The following SPESP1 variants were observed in gnomAD, a reference collection of about 807,000 sequenced individuals.
The protein encoded by SPESP1 is sperm equatorial segment protein 1.
In SPESP1, 1 loss-of-function variant was observed where a neutral mutation model predicts 3.1. The ratio of observed to expected loss-of-function variants is 0.33; its 90% confidence interval spans 0.12 to 1.54. The LOEUF (loss-of-function observed/expected upper bound fraction) is 1.54. SPESP1 is among the 40% of genes most tolerant of loss of function. The probability of loss-of-function intolerance (pLI) is 0.38; values close to 1 mark genes in which losing one functional copy is unlikely to be tolerated. For missense variants in SPESP1, 398 were observed against 410.1 expected (o/e 0.97, Z 0.26); for synonymous variants, 138 against 150.7 (o/e 0.92, Z 0.62).
Position 68,930,538 on chromosome 15 carries a change from C to G in SPESP1, c.-116C>G, listed in dbSNP as rs1895500187. The G allele has an allele frequency of 7.0e-7, 1 of 1,430,742 alleles. No homozygotes were observed. Among genetic ancestry groups the G allele is most frequent in the Non-Finnish European group, 9.7e-7 (1 of 1,031,684 alleles). The allele number at this position is 1,430,742 out of a possible 1,614,324, so 88.6% of individuals were successfully genotyped here. A position where few individuals can be genotyped will look rare whatever the true frequency, so the allele number is the denominator to read the frequency against. On this transcript the variant is annotated 5_prime_UTR_variant, in exon 1 of 2. Transcript: ENST00000310673. ...CTGGGGACAACCGTTGCTGGGTGTC[C>G]CAGGGCCTGAGGCAGGACGGTACTC...
intron 1 of SPESP1, among the ~76,000 whole-genome samples, chr15:68,933,079 C>T (rs1006853955): frequency 9.2e-5 from 14 of 152,188 alleles, no homozygotes; most frequent in South Asian, 8.3e-4. Context: ...CAATTGTTGG[C>T]GAGATGCAAA....
At chr15:68,938,171 A>C (rs1307763400) in intron 1 of SPESP1, among the ~76,000 whole-genome samples, 1 of 151,954 alleles carries the variant, frequency 6.6e-6, no homozygotes, top group Non-Finnish European at 1.5e-5. Flanking sequence ...AGTAGAGATG[A>C]GATTTCACCA....
At chr15:68,936,975 T>TA (rs1428925674) in intron 1 of SPESP1, among the ~76,000 whole-genome samples, 1 of 152,160 alleles carries the variant, frequency 6.6e-6, no homozygotes, top group Non-Finnish European at 1.5e-5. Context: ...TCTTTTATTA[T>TA]AAAAAACTGC....
At chr15:68,934,633 C>G (rs182257236) in intron 1 of SPESP1, among the ~76,000 whole-genome samples, 1 of 152,104 alleles carries the variant, frequency 6.6e-6, no homozygotes, top group East Asian at 1.9e-4. Context: ...AAAGTCCTGT[C>G]TTTCTGTTCT....
At chr15:68,932,419 C>G (rs1895570317) in intron 1 of SPESP1, among the ~76,000 whole-genome samples, 1 of 139,532 alleles carries the variant, frequency 7.2e-6, no homozygotes, top group African/African-American at 2.7e-5. Flanking sequence ...GAGACAGGGT[C>G]TCACTCTCTA....
At chr15:68,938,189 C>A (rs564458387) in intron 1 of SPESP1, among the ~76,000 whole-genome samples, 2 of 152,296 alleles carry the variant, frequency 1.3e-5, no homozygotes, top group South Asian at 4.1e-4. Flanking sequence ...CCATGTTGGC[C>A]AGGCTGGTCT....
At chr15:68,930,807 T>A (rs1032310410) in intron 1 of SPESP1, 90 bp downstream of exon 1, 149 of 1,591,806 alleles carry the variant, frequency 9.4e-5, no homozygotes, top group Non-Finnish European at 1.2e-4. Context: ...CCCTTCCTTC[T>A]CCCTGGTCCT....
intron 1 of SPESP1, among the ~76,000 whole-genome samples, chr15:68,936,225 TA>T (rs1243424534): frequency 6.6e-6 from 1 of 152,248 alleles, no homozygotes; most frequent in African/African-American, 2.4e-5. Context: ...ATCATTGTAA[TA>T]AAAATCCTAG....
intron 1 of SPESP1, among the ~76,000 whole-genome samples, chr15:68,944,361 CA>C (rs1276018201): frequency 2.7e-5 from 4 of 147,854 alleles, no homozygotes; most frequent in African/African-American, 7.5e-5. Flanking sequence ...GGAGACCCCT[CA>C]AAAAAAGACT....
At position 68,940,585 on chromosome 15, in the gene SPESP1, C is replaced by T. The variant is rs139504125; in HGVS notation, c.65-5014C>T. 1.1e-3 allele frequency among the ~76,000 whole-genome samples: 167 copies of T among 152,072 alleles called. 1 individual carries two copies. The highest frequency in any genetic ancestry group is 3.9e-3 in the African/African-American group (160 of 41,488). ...AGTTCTTCCTCCATCTCTGTTTTTT[C>T]CCTTGCAATTTAATTGTTGAAGAAA... On this transcript the variant is annotated intron_variant, in intron 1 of 1. Coordinates refer to ENST00000310673, the MANE Select transcript of SPESP1 (RefSeq NM_145658.4).
intron 1 of SPESP1, among the ~76,000 whole-genome samples, chr15:68,937,826 A>G (rs528939552): frequency 6.6e-6 from 1 of 152,282 alleles, no homozygotes; most frequent in East Asian, 1.9e-4. Context: ...TAATTTGCAT[A>G]TCTTTTATGA....
At chr15:68,945,527 C>G in intron 1 of SPESP1, 72 bp from the exon 2 acceptor site, 1 of 1,224,894 alleles carries the variant, frequency 8.2e-7, no homozygotes, top group East Asian at 2.9e-5. Context: ...AAATTTTGGT[C>G]AGTAGATTCT....
intron 1 of SPESP1, among the ~76,000 whole-genome samples, chr15:68,935,863 A>T (rs1190440348): frequency 2.0e-5 from 3 of 152,242 alleles, no homozygotes; most frequent in African/African-American, 7.2e-5. Flanking sequence ...CACAATTATT[A>T]CTACTTTGAG....
Position 68,945,884 on chromosome 15 carries a change from A to C in SPESP1, c.350A>C (p.Glu117Ala), listed in dbSNP as rs1895947257. The C allele has an allele frequency of 6.2e-7, 1 of 1,614,134 alleles. No homozygotes were observed. Among genetic ancestry groups the C allele is most frequent in the East Asian group, 2.2e-5 (1 of 44,880 alleles). ...GAAATAGGAAAGAAAAAACACACGG[A>C]AAGTACCCCATTCTGGTCGATCAAA... is the stretch of plus-strand genomic sequence containing the variant. ...TPEIGKKKHTESTPFWSIKPN... is the reference protein window; with the variant it reads ...TPEIGKKKHTASTPFWSIKPN... Residue 117 changes from glutamate to alanine, a missense_variant, in exon 2 of 2, where the codon GAA becomes GCA. Physicochemically the swap from Glu to Ala is moderately radical, Grantham distance 107 (BLOSUM62 -1). Coordinates refer to ENST00000310673, the MANE Select transcript of SPESP1 (RefSeq NM_145658.4).
chr15:68,938,055 A>G lies in SPESP1; in HGVS notation c.64+7338A>G, dbSNP rs535620841. Among the ~76,000 whole-genome samples the G allele has an allele frequency of 1.7e-4, 26 of 152,254 alleles. 1 individual carries two copies. Among genetic ancestry groups the G allele is most frequent in the Non-Finnish European group, 1.5e-5 (1 of 68,016 alleles). Reference sequence around the variant, plus strand: ...GAGTGCAATGGCACAACCTTGGCTTACTGCAACCTCTGCCTCCTGGGTTCA... The same window carrying G: ...GAGTGCAATGGCACAACCTTGGCTTGCTGCAACCTCTGCCTCCTGGGTTCA... On this transcript the variant is annotated intron_variant, in intron 1 of 1. Coordinates refer to ENST00000310673, the MANE Select transcript of SPESP1 (RefSeq NM_145658.4).
In SPESP1 at chr15:68,945,747, A is replaced by T; in HGVS notation, c.213A>T (p.Gly71=). ...PKHVYSIASK[G]SKFKELVTHG... Reference sequence around the variant, plus strand: ...ATGTTTATTCTATAGCATCAAAGGGATCAAAATTTAAGGAGCTAGTTACAC... The same window carrying T: ...ATGTTTATTCTATAGCATCAAAGGGTTCAAAATTTAAGGAGCTAGTTACAC... The change falls in exon 2 of 2, where the codon GGA becomes GGT. Residue 71 remains glycine (G), a synonymous_variant. Transcript: ENST00000310673. 1.2e-6 allele frequency: 2 copies of T among 1,613,998 alleles called. No individual in the cohort carries two copies. Among genetic ancestry groups the T allele is most frequent in the South Asian group, 2.2e-5 (2 of 91,020 alleles).
In SPESP1 at chr15:68,945,912, A is replaced by C. The variant is rs747260800; in HGVS notation, c.378A>C (p.Pro126=). 14 of 1,614,166 alleles carry C rather than the reference A, an allele frequency of 8.7e-6. No homozygotes were observed. Among genetic ancestry groups the C allele is most frequent in the Non-Finnish European group, 1.1e-5 (13 of 1,180,036 alleles). The change falls in exon 2 of 2, where the codon CCA becomes CCC. Residue 126 remains proline (P), a synonymous_variant. Transcript: ENST00000310673. ...TESTPFWSIK[P]NNVSIVLHAE... ...GTACCCCATTCTGGTCGATCAAACC[A>C]AACAATGTTTCCATTGTTTTGCATG... is the stretch of plus-strand genomic sequence containing the variant.
At chr15:68,936,614 T>C (rs1895688506) in intron 1 of SPESP1, among the ~76,000 whole-genome samples, 1 of 152,184 alleles carries the variant, frequency 6.6e-6, no homozygotes, top group African/African-American at 2.4e-5. Flanking sequence ...GTTTTAAACT[T>C]AGATTGTGGT....
intron 1 of SPESP1, among the ~76,000 whole-genome samples, chr15:68,942,531 T>G (rs1272208981): frequency 1.3e-5 from 2 of 152,204 alleles, no homozygotes; most frequent in African/African-American, 2.4e-5. Context: ...GTGGAAAAGC[T>G]TCTACTGTTT....
Sources: allele counts gnomAD v4.1 joint callset (sites outside exome capture counted in the v4.1 genomes callset), GRCh38; gene constraint gnomAD v4.1.1; transcripts MANE v1.5; gene names NCBI Gene and HGNC (gene_info 2026-07-23, HGNC 2026-07-21).